ROR1: variants seen among roughly 807,000 people sequenced by gnomAD.
ROR1 encodes the protein inactive tyrosine-protein kinase transmembrane receptor ROR1.
A neutral mutation model predicts 78.8 loss-of-function variants in ROR1; 19 were observed. The observed-to-expected ratio is 0.24, with a 90% CI of 0.17 to 0.35. The LOEUF (loss-of-function observed/expected upper bound fraction) is 0.35, where lower values mean the gene tolerates loss of function less well. ROR1 is among the 10% of genes least tolerant of loss of function. The pLI is 1.00. For missense variants in ROR1, 917 were observed against 1,177.8 expected, an observed-to-expected ratio of 0.78 and a Z score of 3.24; for synonymous variants, 386 against 433.6, an observed-to-expected ratio of 0.89 and a Z score of 1.36.
chr1:63,801,538 G>A (rs561224192), intron 1 of ROR1, among the ~76,000 whole-genome samples: 14 of 152,064 alleles, frequency 9.2e-5, no homozygotes, highest in Admixed American at 2.0e-4. Context: ...CAAGTGATCC[G>A]CCCGCCTCAG....
chr1:63,833,831 A>C (rs970556121), intron 1 of ROR1, among the ~76,000 whole-genome samples: 2 of 151,820 alleles, frequency 1.3e-5, no homozygotes, highest in Non-Finnish European at 2.9e-5. Flanking sequence ...GCACATGTGC[A>C]TATTTACGCA....
intron 1 of ROR1, among the ~76,000 whole-genome samples, chr1:63,880,706 G>A (rs1645316565): frequency 6.6e-6 from 1 of 152,158 alleles, no homozygotes; most frequent in Non-Finnish European, 1.5e-5. Flanking sequence ...CTAAGCAGTT[G>A]AATCAAGTGA....
At chr1:64,147,406 C>G (rs1181367872) in intron 7 of ROR1, among the ~76,000 whole-genome samples, 1 of 151,986 alleles carries the variant, frequency 6.6e-6, no homozygotes, top group Non-Finnish European at 1.5e-5. Flanking sequence ...CAAAGCAGTT[C>G]CTCTTGAATT....
chr1:64,018,945 CTGATGCCCACTAAAGTT>C (rs1289210648), intron 2 of ROR1, among the ~76,000 whole-genome samples: 1 of 152,150 alleles, frequency 6.6e-6, no homozygotes, highest in Admixed American at 6.6e-5. Context: ...CCAGGTGACT[CTGATGCCCACTAAAGTT>C]TGAGGACCAG....
intron 7 of ROR1, among the ~76,000 whole-genome samples, chr1:64,146,105 A>G (rs1189115380): frequency 1.3e-5 from 2 of 152,196 alleles, no homozygotes; most frequent in African/African-American, 4.8e-5. Context: ...GGCCCAATAA[A>G]TCTTTCTGCC....
At chr1:63,869,757 C>T (rs1432784046) in intron 1 of ROR1, among the ~76,000 whole-genome samples, 1 of 152,226 alleles carries the variant, frequency 6.6e-6, no homozygotes, top group African/African-American at 2.4e-5. Flanking sequence ...ACTTGTTGAG[C>T]TCCTGGTAGA....
intron 1 of ROR1, among the ~76,000 whole-genome samples, chr1:63,980,097 G>T (rs75127961): frequency 1.3e-5 from 2 of 151,864 alleles, no homozygotes; most frequent in South Asian, 2.1e-4. Flanking sequence ...TCAACTCCGT[G>T]CACTAAGGAT....
chr1:64,001,731 A>G (rs1646384587), intron 1 of ROR1, among the ~76,000 whole-genome samples: 2 of 152,144 alleles, frequency 1.3e-5, no homozygotes, highest in African/African-American at 4.8e-5. Context: ...CCCAGGCTCT[A>G]GTAAAGACTT....
intron 1 of ROR1, among the ~76,000 whole-genome samples, chr1:63,900,651 A>T (rs1046113071): frequency 3.9e-5 from 6 of 152,046 alleles, no homozygotes; most frequent in Non-Finnish European, 7.4e-5. Flanking sequence ...AAAATATATT[A>T]AAAACCATAG....
At chr1:64,099,513 A>C (rs1255779393) in intron 4 of ROR1, among the ~76,000 whole-genome samples, 2 of 152,206 alleles carry the variant, frequency 1.3e-5, no homozygotes, top group Non-Finnish European at 2.9e-5. Flanking sequence ...ATTCTGCTCC[A>C]GAGCATTTGT....
intron 1 of ROR1, among the ~76,000 whole-genome samples, chr1:63,945,339 T>A (rs1469908072): frequency 6.6e-6 from 1 of 152,118 alleles, no homozygotes; most frequent in Non-Finnish European, 1.5e-5. Flanking sequence ...ATATTTTCTG[T>A]GTGTGATTCA....
intron 4 of ROR1, among the ~76,000 whole-genome samples, chr1:64,071,075 G>A (rs992897776): frequency 1.3e-5 from 2 of 152,346 alleles, no homozygotes; most frequent in Admixed American, 6.5e-5. Flanking sequence ...CACGATCATG[G>A]AACAGAAAGA....
intron 1 of ROR1, among the ~76,000 whole-genome samples, chr1:63,822,028 A>G (rs1049917073): frequency 6.6e-6 from 1 of 152,248 alleles, no homozygotes; most frequent in African/African-American, 2.4e-5. Flanking sequence ...AAAAGCATTT[A>G]GTAAATGTAC....
chr1:63,800,673 A>G (rs532211852), intron 1 of ROR1, among the ~76,000 whole-genome samples: 1 of 152,358 alleles, frequency 6.6e-6, no homozygotes, highest in East Asian at 1.9e-4. Flanking sequence ...CTGGAAATGC[A>G]GAATCTCAGA....
chr1:64,001,815 G>A (rs1403719473), intron 1 of ROR1, among the ~76,000 whole-genome samples: 1 of 152,088 alleles, frequency 6.6e-6, no homozygotes, highest in African/African-American at 2.4e-5. Flanking sequence ...AAAACTGCAG[G>A]CCCCAGTCCA....
At chr1:63,953,207 A>C (rs1000720772) in intron 1 of ROR1, among the ~76,000 whole-genome samples, 1 of 152,120 alleles carries the variant, frequency 6.6e-6, no homozygotes, top group Non-Finnish European at 1.5e-5. Context: ...TGTTCCTACC[A>C]CTTACTACTT....
chr1:64,119,218 C>T (rs1007801668), intron 4 of ROR1, among the ~76,000 whole-genome samples: 3 of 152,128 alleles, frequency 2.0e-5, no homozygotes, highest in Non-Finnish European at 4.4e-5. Flanking sequence ...AATGTGGTCC[C>T]CCTTTTACTG....
chr1:63,929,292 AG>A (rs906383157), intron 1 of ROR1, among the ~76,000 whole-genome samples: 1 of 152,208 alleles, frequency 6.6e-6, no homozygotes, highest in African/African-American at 2.4e-5. Flanking sequence ...CAATGTTACA[AG>A]CAAGCTGGGA....
intron 1 of ROR1, among the ~76,000 whole-genome samples, chr1:63,921,854 C>G (rs989538231): frequency 6.6e-6 from 1 of 152,118 alleles, no homozygotes; most frequent in African/African-American, 2.4e-5. Context: ...AGAAGTGAGA[C>G]AGGATGCACA....
Sources: allele counts gnomAD v4.1 joint callset (sites outside exome capture counted in the v4.1 genomes callset), GRCh38; gene constraint gnomAD v4.1.1; transcripts MANE v1.5; gene names NCBI Gene and HGNC (gene_info 2026-07-23, HGNC 2026-07-21).